SPEF2: variants seen among roughly 807,000 people sequenced by gnomAD.
SPEF2 encodes sperm flagella and cilia-associated protein 2.
Under a neutral mutation model 224.6 loss-of-function variants are expected in SPEF2, and 187 were observed. The ratio of observed to expected loss-of-function variants is 0.83; its 90% CI spans 0.74 to 0.94. SPEF2 has a LOEUF of 0.94. SPEF2 is among the 40% of genes least tolerant of loss of function. SPEF2 has a pLI of 0.00. For missense variants in SPEF2, 2,170 were observed against 2,135.6 expected (o/e 1.02, Z -0.32); for synonymous variants, 715 against 707.3 (o/e 1.01, Z -0.17).
At chr5:35,713,734 A>T (rs997103979) in intron 20 of SPEF2, among the ~76,000 whole-genome samples, 1 of 102,872 alleles carries the variant, frequency 9.7e-6, no homozygotes, top group Non-Finnish European at 1.9e-5. Context: ...TCTGTCTCAA[A>T]ATATATATAT....
chr5:35,723,868 AATAC>A (rs1439699454), intron 20 of SPEF2, among the ~76,000 whole-genome samples: 2 of 152,196 alleles, frequency 1.3e-5, no homozygotes, highest in Non-Finnish European at 2.9e-5. Flanking sequence ...GCAAATGCAA[AATAC>A]ATTGGGTTTC....
intron 23 of SPEF2, among the ~76,000 whole-genome samples, chr5:35,745,026 A>G (rs1748261960): frequency 6.6e-6 from 1 of 152,162 alleles, no homozygotes; most frequent in African/African-American, 2.4e-5. Context: ...ACACACCCCC[A>G]CTGGAGAAAC....
intron 11 of SPEF2, among the ~76,000 whole-genome samples, chr5:35,692,307 A>G (rs901228843): frequency 8.5e-5 from 13 of 152,204 alleles, no homozygotes; most frequent in Non-Finnish European, 8.8e-5. Context: ...GCTACTCAGG[A>G]GGCTGAGGCA....
chr5:35,628,179 G>T, intron 1 of SPEF2, among the ~76,000 whole-genome samples: 1 of 151,460 alleles, frequency 6.6e-6, no homozygotes, highest in Middle Eastern at 3.4e-3. Flanking sequence ...TAAATTTTTT[G>T]GTAGCATTTT....
chr5:35,706,988 C>T (rs1289689988), intron 18 of SPEF2, among the ~76,000 whole-genome samples: 1 of 152,178 alleles, frequency 6.6e-6, no homozygotes, highest in African/African-American at 2.4e-5. Flanking sequence ...CTATTAGACT[C>T]AACTTCAACA....
At chr5:35,813,780 C>T (rs2149882644) in intron 36 of SPEF2, among the ~76,000 whole-genome samples, 1 of 151,938 alleles carries the variant, frequency 6.6e-6, no homozygotes, top group South Asian at 2.1e-4. Context: ...TGAAACTCAG[C>T]TCTGAGGAAA....
chr5:35,756,284 G>C lies in SPEF2; in HGVS notation c.3468+2523G>C, dbSNP rs116840522. On this transcript the variant is annotated intron_variant, in intron 24 of 36. Transcript: ENST00000356031. ...AAAATCATAGTGTATATAAGGTTTG[G>C]AACTATCTGAGGTTTCACGCATCCA... Among the ~76,000 whole-genome samples, 332 of 152,194 alleles carry C rather than the reference G, an allele frequency of 2.2e-3. 2 individuals are homozygous for C. The highest frequency in any genetic ancestry group is 7.8e-3 in the African/African-American group (322 of 41,522).
chr5:35,694,658 GGAGA>G (rs764333903), intron 13 of SPEF2, among the ~76,000 whole-genome samples: 7 of 148,706 alleles, frequency 4.7e-5, no homozygotes, highest in Non-Finnish European at 7.4e-5. Flanking sequence ...GTCTGTGCAA[GGAGA>G]CAGACAGTCT....
chr5:35,788,716 G>A (rs1425987692), intron 30 of SPEF2: 2 of 702,986 alleles, frequency 2.8e-6, no homozygotes, highest in Admixed American at 4.0e-5. Context: ...ACAACGAGGT[G>A]GCCCTACTAT....
intron 10 of SPEF2, among the ~76,000 whole-genome samples, chr5:35,674,484 G>A (rs918316775): frequency 2.7e-5 from 4 of 150,308 alleles, no homozygotes; most frequent in Admixed American, 1.3e-4. Context: ...CCATTAACTC[G>A]TCATTTAACA....
intron 24 of SPEF2, among the ~76,000 whole-genome samples, chr5:35,757,516 A>C (rs1281264627): frequency 6.6e-6 from 1 of 152,148 alleles, no homozygotes; most frequent in Non-Finnish European, 1.5e-5. Flanking sequence ...TTAATTCTCC[A>C]AAGTTGTCAA....
intron 10 of SPEF2, among the ~76,000 whole-genome samples, chr5:35,685,891 A>AG (rs1753542998): frequency 6.6e-6 from 1 of 151,886 alleles, no homozygotes. Context: ...AACTGACTTA[A>AG]GGCAATCCAG....
chr5:35,626,449 A>T (rs955721665), intron 1 of SPEF2, among the ~76,000 whole-genome samples: 4 of 152,162 alleles, frequency 2.6e-5, no homozygotes, highest in African/African-American at 9.7e-5. Flanking sequence ...TCTCACATGA[A>T]CTATAGCTGA....
intron 36 of SPEF2, among the ~76,000 whole-genome samples, chr5:35,810,088 A>G (rs1758441004): frequency 6.6e-6 from 1 of 152,218 alleles, no homozygotes; most frequent in Non-Finnish European, 1.5e-5. Context: ...ATGAACTTGC[A>G]AAGAAGATTC....
intron 1 of SPEF2, among the ~76,000 whole-genome samples, chr5:35,621,913 A>G (rs1299129917): frequency 6.6e-6 from 1 of 152,194 alleles, no homozygotes; most frequent in Admixed American, 6.5e-5. Flanking sequence ...CCTCTGGCCT[A>G]CAGTACTTAG....
At chr5:35,712,987 T>A in intron 20 of SPEF2, 101 bp downstream of exon 20, 1 of 1,027,510 alleles carries the variant, frequency 9.7e-7, no homozygotes, top group Non-Finnish European at 1.4e-6. Flanking sequence ...ATTGACCACT[T>A]CTCTCAGGCA....
intron 1 of SPEF2, among the ~76,000 whole-genome samples, chr5:35,620,805 A>G (rs902290023): frequency 2.0e-5 from 3 of 152,242 alleles, no homozygotes; most frequent in Non-Finnish European, 4.4e-5. Flanking sequence ...GTATAATTAT[A>G]TATTTGTACC....
Position 35,667,736 on chromosome 5 carries a change from T to C in SPEF2, c.1355+477T>C, listed in dbSNP as rs111842820. ...GCTTTGAAAAAGATGAAAGGATGTA[T>C]AGAATAGGAGAAGATATTTCAAACT... is the stretch of plus-strand genomic sequence containing the variant. On this transcript the variant is annotated intron_variant, in intron 9 of 36. Coordinates refer to ENST00000356031, the MANE Select transcript of SPEF2 (RefSeq NM_024867.4). Among the ~76,000 whole-genome samples the C allele has an allele frequency of 9.0e-3, 1,367 of 152,208 alleles. 25 individuals carry two copies. Among genetic ancestry groups the C allele is most frequent in the African/African-American group, 0.032 (1,316 of 41,562 alleles).
At position 35,694,378 on chromosome 5, in the gene SPEF2, C is replaced by A. The variant is rs765514030; in HGVS notation, c.1975+15C>A. On this transcript the variant is annotated intron_variant, in intron 13 of 36. Transcript: ENST00000356031. ...AACAATGCTTAGTAAGATCTCAAAA[C>A]AAATCATCTATTATTTACATTAGAG... 2.7e-5 allele frequency: 43 copies of A among 1,592,756 alleles called. No homozygotes were observed. The African/African-American group carries it at 4.4e-4, about 16-fold the overall frequency.
Sources: allele counts gnomAD v4.1 joint callset (sites outside exome capture counted in the v4.1 genomes callset), GRCh38; gene constraint gnomAD v4.1.1; transcripts MANE v1.5; gene names NCBI Gene and HGNC (gene_info 2026-07-23, HGNC 2026-07-21).